Variants in CPE observed in about 807,000 individuals in gnomAD.
CPE encodes the protein carbocypeptidase E.
A neutral mutation model predicts 53.5 loss-of-function variants in CPE; 17 were observed. That is an observed-to-expected ratio of 0.32 (90% CI 0.22 to 0.48). CPE has a LOEUF of 0.48. Ranked by LOEUF, CPE falls within the 20% of genes least tolerant of loss-of-function variation. CPE has a pLI of 0.99. For synonymous variants in CPE, 226 were observed against 228.8 expected, an observed-to-expected ratio of 0.99 and a Z score of 0.11; for missense variants, 524 against 614.7, an observed-to-expected ratio of 0.85 and a Z score of 1.56.
intron 1 of CPE, among the ~76,000 whole-genome samples, chr4:165,447,571 T>TAA (rs35694424): frequency 1.4e-5 from 2 of 145,758 alleles, no homozygotes. Context: ...ACTCTGTCTT[T>TAA]AAAAAAAAAA....
At chr4:165,490,411 A>C (rs1209200930) in intron 6 of CPE, among the ~76,000 whole-genome samples, 1 of 152,048 alleles carries the variant, frequency 6.6e-6, no homozygotes, top group African/African-American at 2.4e-5. Flanking sequence ...AGGCAGGCAG[A>C]TCATGAGGTC....
intron 8 of CPE, among the ~76,000 whole-genome samples, chr4:165,496,573 G>A (rs779553650): frequency 2.8e-4 from 42 of 152,042 alleles, no homozygotes; most frequent in Non-Finnish European, 4.9e-4. Context: ...ATAATCAGGC[G>A]TTTAAGTGGC....
chr4:165,464,891 G>A (rs910054171), intron 2 of CPE, among the ~76,000 whole-genome samples: 2 of 152,078 alleles, frequency 1.3e-5, no homozygotes, highest in African/African-American at 4.8e-5. Context: ...GGTAAGTTTT[G>A]TTTTAAAAAT....
At chr4:165,406,082 G>A (rs1186957116) in intron 1 of CPE, 2 of 758,372 alleles carry the variant, frequency 2.6e-6, no homozygotes, top group Non-Finnish European at 4.9e-6. Flanking sequence ...GATAAGGATG[G>A]CACTTCTGAT....
At chr4:165,490,978 T>G (rs2126716344) in intron 6 of CPE, among the ~76,000 whole-genome samples, 2 of 152,352 alleles carry the variant, frequency 1.3e-5, no homozygotes, top group East Asian at 3.9e-4. Flanking sequence ...TGATTTCTTT[T>G]GCAAAAGCCA....
At chr4:165,443,327 A>T (rs780290108) in intron 1 of CPE, among the ~76,000 whole-genome samples, 11 of 152,168 alleles carry the variant, frequency 7.2e-5, no homozygotes, top group Non-Finnish European at 1.2e-4. Flanking sequence ...TGGAGCATTT[A>T]TTAAATGCCA....
chr4:165,406,176 T>G (rs1356660062), intron 1 of CPE: 8 of 714,236 alleles, frequency 1.1e-5, no homozygotes, highest in Non-Finnish European at 2.1e-5. Context: ...TATCTTTGAA[T>G]GGGGAGAGTT....
intron 3 of CPE, among the ~76,000 whole-genome samples, chr4:165,475,634 G>A (rs1224610323): frequency 6.6e-6 from 1 of 152,038 alleles, no homozygotes; most frequent in African/African-American, 2.4e-5. Flanking sequence ...GTGAATAGGT[G>A]GAGTAAAAAG....
intron 4 of CPE, 80 bp from the exon 5 acceptor site, chr4:165,484,342 A>C: frequency 7.6e-7 from 1 of 1,323,378 alleles, no homozygotes; most frequent in Admixed American, 2.0e-5. Flanking sequence ...CAATTACTCA[A>C]TACTGAATCA....
At chr4:165,461,488 G>C (rs1732005588) in intron 1 of CPE, among the ~76,000 whole-genome samples, 1 of 152,110 alleles carries the variant, frequency 6.6e-6, no homozygotes, top group African/African-American at 2.4e-5. Flanking sequence ...TTCTTTGGTG[G>C]AGGTGACCTG....
rs557463203 is a variant in CPE at position 165,493,153 on chromosome 4, T to G, written c.1114-18T>G. Reference sequence around the variant, plus strand: ...TTATAGGTCATATTAATTTTTTGGTTATTTTTGACCTTCACAGATACACCG... The same window carrying G: ...TTATAGGTCATATTAATTTTTTGGTGATTTTTGACCTTCACAGATACACCG... On this transcript the variant is annotated intron_variant, in intron 6 of 8. Coordinates refer to ENST00000402744, the MANE Select transcript of CPE (RefSeq NM_001873.4). The G allele has an allele frequency of 6.3e-7, 1 of 1,581,764 alleles. No homozygotes were observed.
At chr4:165,415,404 C>T (rs192773892) in intron 1 of CPE, among the ~76,000 whole-genome samples, 1 of 152,142 alleles carries the variant, frequency 6.6e-6, no homozygotes, top group East Asian at 1.9e-4. Context: ...AAAATGAAAC[C>T]AGCTCCTCCT....
chr4:165,414,537 T>C (rs915099356), intron 1 of CPE, among the ~76,000 whole-genome samples: 6 of 152,208 alleles, frequency 3.9e-5, no homozygotes, highest in Non-Finnish European at 7.3e-5. Context: ...GCATAAATTA[T>C]ATGTGTTAAC....
intron 1 of CPE, among the ~76,000 whole-genome samples, chr4:165,423,289 G>A (rs1218908370): frequency 6.6e-6 from 1 of 152,090 alleles, no homozygotes; most frequent in Non-Finnish European, 1.5e-5. Context: ...GCAGTTTCCA[G>A]GTTGACTTTT....
chr4:165,470,558 G>A (rs1048543051), intron 3 of CPE, among the ~76,000 whole-genome samples: 2 of 152,148 alleles, frequency 1.3e-5, no homozygotes, highest in Non-Finnish European at 2.9e-5. Context: ...AGGCTTTTCT[G>A]TCTGTTGAGG....
intron 1 of CPE, among the ~76,000 whole-genome samples, chr4:165,432,551 C>T (rs1731432064): frequency 6.6e-6 from 1 of 152,186 alleles, no homozygotes; most frequent in African/African-American, 2.4e-5. Context: ...CTGCCTTGGC[C>T]TCCCAAAGTG....
At chr4:165,459,500 G>A (rs1485614956) in intron 1 of CPE, among the ~76,000 whole-genome samples, 1 of 152,090 alleles carries the variant, frequency 6.6e-6, no homozygotes. Flanking sequence ...GAAATTGTGG[G>A]AAAATTGACA....
chr4:165,390,660 G>C (rs1730665950), intron 1 of CPE, among the ~76,000 whole-genome samples: 1 of 152,086 alleles, frequency 6.6e-6, no homozygotes, highest in Non-Finnish European at 1.5e-5. Flanking sequence ...TATTCCACTG[G>C]TCAGTGTAGC....
chr4:165,496,669 C>A (rs954514409), intron 8 of CPE, among the ~76,000 whole-genome samples: 3 of 152,118 alleles, frequency 2.0e-5, no homozygotes, highest in African/African-American at 7.2e-5. Flanking sequence ...GCCTTTTATG[C>A]GGAGTGTGTG....
Sources: gnomAD v4.1 joint callset for allele counts (sites outside exome capture counted in the v4.1 genomes callset) on GRCh38, gnomAD v4.1.1 for gene constraint, MANE v1.5 for transcripts, NCBI Gene and HGNC (gene_info 2026-07-23, HGNC 2026-07-21) for gene names.